ZNF385C: variants seen among roughly 807,000 people sequenced by gnomAD.
ZNF385C encodes the protein CTD-2132N18.2.
Under a neutral mutation model 35.4 loss-of-function variants are expected in ZNF385C, and 28 were observed. The ratio of observed to expected loss-of-function variants is 0.79; its 90% confidence interval spans 0.59 to 1.08. The LOEUF (loss-of-function observed/expected upper bound fraction) is 1.08, where lower values mean the gene tolerates loss of function less well. Among genes scored for constraint, ZNF385C ranks in the 50% least tolerant of loss-of-function variants. The pLI, the probability that ZNF385C is intolerant of heterozygous loss-of-function variation, is 0.00. For synonymous variants in ZNF385C, 248 were observed against 248.2 expected (o/e 1.00, Z 0.01); for missense variants, 605 against 595.6 (o/e 1.02, Z -0.16).
chr17:42,073,307 G>T (rs1030435566), intron 1 of ZNF385C, among the ~76,000 whole-genome samples: 2 of 152,044 alleles, frequency 1.3e-5, no homozygotes, highest in East Asian at 1.9e-4. Flanking sequence ...GTAGTGGCAC[G>T]CCTGTAATCC....
In ZNF385C at chr17:42,027,032, C is replaced by A; in HGVS notation, c.1377G>T (p.Gly459=). The part of the protein sequence containing the change: ...TAATAICALP[G]PLALRPAPTA... ...TAGGGGCAGGGCGGAGGGCCAGGGG[C>A]CCTGGCAGAGCACAGATGGCAGTGG... Residue 459 remains glycine (G), a synonymous_variant, in exon 9 of 9, where the codon GGG becomes GGT. Coordinates refer to ENST00000692273, the MANE Select transcript of ZNF385C (RefSeq NM_001392013.1). 6.2e-7 allele frequency: 1 copy of A among 1,607,648 alleles called. No individual in the cohort carries two copies.
At chr17:42,090,823 A>G (rs1405701957) in intron 1 of ZNF385C, among the ~76,000 whole-genome samples, 1 of 151,850 alleles carries the variant, frequency 6.6e-6, no homozygotes, top group East Asian at 2.0e-4. Flanking sequence ...CGGAGCTTGC[A>G]GTGAGCCGAG....
intron 7 of ZNF385C, 62 bp from the exon 8 acceptor site, chr17:42,027,790 A>G: frequency 1.3e-6 from 2 of 1,519,602 alleles, no homozygotes; most frequent in Non-Finnish European, 1.8e-6. Flanking sequence ...CAAGACCATC[A>G]TCCTCGACTC....
At chr17:42,079,052 A>G (rs1250942890) in intron 1 of ZNF385C, among the ~76,000 whole-genome samples, 1 of 151,712 alleles carries the variant, frequency 6.6e-6, no homozygotes, top group Non-Finnish European at 1.5e-5. Context: ...ATAAGATAAC[A>G]GAATATACTA....
chr17:42,027,877 GGGGAGGTGAGTCTT>G, intron 7 of ZNF385C, 149 bp from the exon 8 acceptor site: 1 of 1,187,704 alleles, frequency 8.4e-7, no homozygotes, highest in Non-Finnish European at 1.2e-6. Flanking sequence ...GCCCTGGGAA[GGGGAGGTGAGTCTT>G]GGCCTTTGCC....
intron 1 of ZNF385C, among the ~76,000 whole-genome samples, chr17:42,066,926 A>G (rs35694322): frequency 0.52 from 79,121 of 151,958 alleles, 20,834 homozygotes; most frequent in Admixed American, 0.57. Context: ...AAAATTAGCC[A>G]GGCGCGGTGG....
chr17:42,027,436 C>T (rs1309416384), intron 8 of ZNF385C, among the ~76,000 whole-genome samples, 182 bp downstream of exon 8: 6 of 152,184 alleles, frequency 3.9e-5, no homozygotes, highest in Admixed American at 1.3e-4. Flanking sequence ...CTATCCCAAC[C>T]CACCTCCCCG....
intron 1 of ZNF385C, among the ~76,000 whole-genome samples, chr17:42,096,071 G>C (rs543814053): frequency 6.6e-6 from 1 of 152,276 alleles, no homozygotes. Flanking sequence ...GTGCAGAGGA[G>C]ACAGCTCCAC....
At chr17:42,076,046 AGACC>A (rs2053680976) in intron 1 of ZNF385C, among the ~76,000 whole-genome samples, 1 of 152,172 alleles carries the variant, frequency 6.6e-6, no homozygotes, top group Non-Finnish European at 1.5e-5. Context: ...TGGGAGGCCC[AGACC>A]GTATGTTTGG....
chr17:42,094,116 T>A (rs1025822778), intron 1 of ZNF385C, among the ~76,000 whole-genome samples: 11 of 152,042 alleles, frequency 7.2e-5, no homozygotes, highest in African/African-American at 2.4e-4. Context: ...CCCAAGTAGC[T>A]GAGATTACAG....
intron 4 of ZNF385C, among the ~76,000 whole-genome samples, chr17:42,033,723 C>T (rs1449995519): frequency 7.9e-5 from 12 of 152,072 alleles, no homozygotes; most frequent in Non-Finnish European, 1.2e-4. Flanking sequence ...ACTGCACTCC[C>T]GCCTGGGTGA....
intron 8 of ZNF385C, 132 bp downstream of exon 8, chr17:42,027,486 C>T: frequency 1.3e-6 from 1 of 796,850 alleles, no homozygotes; most frequent in Non-Finnish European, 1.9e-6. Context: ...AGGCCTAGCT[C>T]TGTCACTGCC....
At chr17:42,094,623 A>G (rs1047049110) in intron 1 of ZNF385C, among the ~76,000 whole-genome samples, 2 of 152,206 alleles carry the variant, frequency 1.3e-5, no homozygotes, top group African/African-American at 4.8e-5. Context: ...GATGGGGAGC[A>G]CACAGGAGGC....
chr17:42,073,216 C>G (rs1226035782), intron 1 of ZNF385C, among the ~76,000 whole-genome samples: 2 of 152,256 alleles, frequency 1.3e-5, no homozygotes, highest in East Asian at 1.9e-4. Flanking sequence ...GCAGGCGGAT[C>G]ACTTGAGGTC....
Position 42,062,877 on chromosome 17 carries a change from C to A in ZNF385C, c.180G>T (p.Val60=). The A allele has an allele frequency of 1.5e-6, 1 of 668,348 alleles. No homozygotes were observed. Among genetic ancestry groups the A allele is most frequent in the South Asian group, 1.6e-5 (1 of 62,002 alleles). The allele number at this position is 668,348 out of a possible 1,614,324, so 41.4% of individuals were successfully genotyped here. Residue 60 remains valine, a synonymous_variant, in exon 2 of 9, where the codon GTG becomes GTT. Transcript: ENST00000692273. Reference sequence around the variant, plus strand: ...TCTGGTGGGCCCGCCCCCCACAGTGCACCTGGGCCTGGGCCGCCGAGTTCA... The same window carrying A: ...TCTGGTGGGCCCGCCCCCCACAGTGAACCTGGGCCTGGGCCGCCGAGTTCA... ...IQLNSAAQAQ[V]HCGGRAHQRR... is the part of the protein sequence containing the mutation.
At chr17:42,043,030 G>A (rs1022646474) in intron 2 of ZNF385C, 11 of 1,232,184 alleles carry the variant, frequency 8.9e-6, no homozygotes, top group Admixed American at 8.4e-5. Context: ...GCCCCTGGAG[G>A]CAGGGGTCGT....
chr17:42,039,412 A>G (rs1432586214), intron 2 of ZNF385C: 1 of 308,806 alleles, frequency 3.2e-6, no homozygotes, highest in African/African-American at 2.2e-5. Context: ...TCCAGAAGGG[A>G]AAAGGGTGAG....
chr17:42,054,820 G>A (rs1308040810), intron 2 of ZNF385C, among the ~76,000 whole-genome samples: 1 of 152,052 alleles, frequency 6.6e-6, no homozygotes, highest in African/African-American at 2.4e-5. Context: ...GACCTCAAAT[G>A]ATCCACCTGC....
At chr17:42,040,489 G>A in intron 2 of ZNF385C, 1 of 1,232,424 alleles carries the variant, frequency 8.1e-7, no homozygotes, top group Non-Finnish European at 1.0e-6. Context: ...CAGGACAAGG[G>A]AGAGCTTCTG....
Sources: gnomAD v4.1 joint callset for allele counts (sites outside exome capture counted in the v4.1 genomes callset) on GRCh38, gnomAD v4.1.1 for gene constraint, MANE v1.5 for transcripts, NCBI Gene and HGNC (gene_info 2026-07-23, HGNC 2026-07-21) for gene names.